ATP6V1B1: variants seen among roughly 807,000 people sequenced by gnomAD.
The protein encoded by ATP6V1B1 is ATPase H+ transporting V1 subunit B1.
A neutral mutation model predicts 62.1 loss-of-function variants in ATP6V1B1; 41 were observed. The ratio of observed to expected loss-of-function variants is 0.66; its 90% CI spans 0.51 to 0.86. ATP6V1B1 has a LOEUF of 0.86. ATP6V1B1 is among the 40% of genes least tolerant of loss of function. The pLI is 0.00. For missense variants in ATP6V1B1, 651 were observed against 697.5 expected (o/e 0.93, Z 0.75); for synonymous variants, 253 against 273.4 (o/e 0.93, Z 0.74).
chr2:70,965,191 C>T lies in ATP6V1B1; in HGVS notation c.*70C>T, dbSNP rs1572925060. On this transcript the variant is annotated 3_prime_UTR_variant, in exon 14 of 14. Transcript: ENST00000234396. ...CGGCTCCCGGGTCTCCCCTCCCTCG[C>T]CACCCCAACCAGCGGCTTCTGCGCC... The T allele has an allele frequency of 6.3e-7, 1 of 1,584,658 alleles. No homozygotes were observed. Among genetic ancestry groups the T allele is most frequent in the Non-Finnish European group, 8.5e-7 (1 of 1,171,344 alleles).
Position 70,936,064 on chromosome 2 carries a change from C to G in ATP6V1B1, c.110C>G (p.Pro37Arg). The change falls in exon 1 of 14, where the codon CCC (proline) becomes CGC (arginine). Residue 37 changes from proline to arginine, a missense_variant. Coordinates refer to ENST00000234396, the MANE Select transcript of ATP6V1B1 (RefSeq NM_001692.4). ...QAVTRNYITH[P>R]RVTYRTVCSV... ...GTCACCCGAAACTACATCACCCACCCCCGTGTCAGTGAGTAGCCCCTCCAC... is the reference window on the plus strand; with the variant it reads ...GTCACCCGAAACTACATCACCCACCGCCGTGTCAGTGAGTAGCCCCTCCAC... 1 of 1,614,034 alleles carries G rather than the reference C, an allele frequency of 6.2e-7. No individual in the cohort carries two copies. Among genetic ancestry groups the G allele is most frequent in the Non-Finnish European group, 8.5e-7 (1 of 1,179,928 alleles).
At chr2:70,955,676 T>C (rs1680417308) in intron 2 of ATP6V1B1, among the ~76,000 whole-genome samples, 1 of 152,250 alleles carries the variant, frequency 6.6e-6, no homozygotes, top group Non-Finnish European at 1.5e-5. Flanking sequence ...TTTTAATGAA[T>C]TGGCATATTT....
intron 2 of ATP6V1B1, chr2:70,944,021 C>G: frequency 2.0e-6 from 2 of 985,396 alleles, no homozygotes; most frequent in Non-Finnish European, 2.4e-6. Flanking sequence ...GTGGCATGGA[C>G]GTACCTAACC....
Position 70,963,599 on chromosome 2 carries a change from C to T in ATP6V1B1, c.1088C>T (p.Thr363Met), listed in dbSNP as rs145799342. 5.6e-6 allele frequency: 9 copies of T among 1,614,162 alleles called. No individual in the cohort carries two copies. The highest frequency in any genetic ancestry group is 2.7e-5 in the African/African-American group (2 of 75,052). The change falls in exon 11 of 14, where the codon ACG (threonine) becomes ATG (methionine). Residue 363 changes from threonine to methionine, a missense_variant. By Grantham distance (81) the Thr-to-Met change is moderately conservative (BLOSUM62 -1). Coordinates refer to ENST00000234396, the MANE Select transcript of ATP6V1B1 (RefSeq NM_001692.4). The surrounding 1 kb of genome is among the most constrained non-coding windows in gnomAD (Gnocchi z 4.3). ...ATCACCCACCCTATCCCAGACTTGA[C>T]GGGCTTCATCACAGAGGGACAGATC... is the stretch of plus-strand genomic sequence containing the variant. ...DDITHPIPDL[T>M]GFITEGQIYV...
At chr2:70,948,783 G>A (rs966258026) in intron 2 of ATP6V1B1, among the ~76,000 whole-genome samples, 1 of 152,148 alleles carries the variant, frequency 6.6e-6, no homozygotes, top group African/African-American at 2.4e-5. Flanking sequence ...CTCTTCACAG[G>A]ACAAGGGAGG....
chr2:70,949,002 G>A (rs1553417874), intron 2 of ATP6V1B1, among the ~76,000 whole-genome samples: 1 of 152,216 alleles, frequency 6.6e-6, no homozygotes, highest in African/African-American at 2.4e-5. Context: ...ATAATCACCA[G>A]CACTGTGCTG....
intron 2 of ATP6V1B1, chr2:70,944,060 G>C (rs904801512): frequency 3.8e-6 from 5 of 1,307,800 alleles, no homozygotes; most frequent in Non-Finnish European, 4.9e-6. Flanking sequence ...ACCACAGCAC[G>C]GCTGTACCTA....
At chr2:70,936,797 G>C (rs1172627168) in intron 1 of ATP6V1B1, among the ~76,000 whole-genome samples, 1 of 152,196 alleles carries the variant, frequency 6.6e-6, no homozygotes, top group Non-Finnish European at 1.5e-5. Context: ...AGTATGGTGA[G>C]TGTGTGTACA....
Position 70,965,103 on chromosome 2 carries a change from G to A in ATP6V1B1, c.1524G>A (p.Ala508=). The part of the protein sequence containing the change: ...YSREGALQDL[A]PDTAL Reference sequence around the variant, plus strand: ...GCGAGGGGGCGCTGCAGGACCTCGCGCCTGACACTGCGCTCTAGCCCCGCG... The same window carrying A: ...GCGAGGGGGCGCTGCAGGACCTCGCACCTGACACTGCGCTCTAGCCCCGCG... The change falls in exon 14 of 14, where the codon GCG becomes GCA. Residue 508 remains alanine (A), a synonymous_variant. Coordinates refer to ENST00000234396, the MANE Select transcript of ATP6V1B1 (RefSeq NM_001692.4). The A allele has an allele frequency of 1.2e-6, 2 of 1,611,136 alleles. No homozygotes were observed. The highest frequency in any genetic ancestry group is 8.5e-7 in the Non-Finnish European group (1 of 1,180,000).
chr2:70,940,907 C>CTTTTT (rs782110711), intron 1 of ATP6V1B1: 63 of 745,890 alleles, frequency 8.4e-5, no homozygotes, highest in East Asian at 4.7e-4. Context: ...TTTTCTTTTT[C>CTTTTT]TTTTTCTTTT....
Position 70,959,170 on chromosome 2 carries a change from G to C in ATP6V1B1, c.445+75G>C, listed in dbSNP as rs111764508. On this transcript the variant is annotated intron_variant, in intron 5 of 13. Coordinates refer to ENST00000234396, the MANE Select transcript of ATP6V1B1 (RefSeq NM_001692.4). The surrounding 1 kb of genome is among the most constrained non-coding windows in gnomAD (Gnocchi z 4.2). ...TCCCCACTCTTGGAAGTTCTGCCCA[G>C]ACTCACAAGCAGATCAGATGTGATG... is the stretch of plus-strand genomic sequence containing the variant. The C allele has an allele frequency of 1.6e-5, 24 of 1,507,036 alleles. No individual in the cohort carries two copies. Among genetic ancestry groups the C allele is most frequent in the African/African-American group, 1.5e-4 (11 of 72,720 alleles). 93.4% of individuals were successfully genotyped at this position (1,507,036 alleles called of 1,614,324 possible).
At chr2:70,945,701 G>GAGAGATAT (rs1553417203) in intron 2 of ATP6V1B1, among the ~76,000 whole-genome samples, 6 of 83,020 alleles carry the variant, frequency 7.2e-5, no homozygotes, top group African/African-American at 2.9e-4. Context: ...TATTTGAAGA[G>GAGAGATAT]ATATATATAT....
Position 70,958,315 on chromosome 2 carries a change from T to G in ATP6V1B1, c.274-18T>G, listed in dbSNP as rs1312344106. On this transcript the variant is annotated intron_variant, in intron 3 of 13. Transcript: ENST00000234396. ...CCAGCAGGCCCCTTAGTGGAGAAAC[T>G]CCCTCTTGTTCCCACAGGTGTTTGA... is the stretch of plus-strand genomic sequence containing the variant. The G allele has an allele frequency of 3.1e-6, 5 of 1,613,730 alleles. No individual in the cohort carries two copies. Among genetic ancestry groups the G allele is most frequent in the Non-Finnish European group, 4.2e-6 (5 of 1,179,702 alleles).
At chr2:70,952,591 G>A (rs148916938) in intron 2 of ATP6V1B1, among the ~76,000 whole-genome samples, 1 of 151,810 alleles carries the variant, frequency 6.6e-6, no homozygotes, top group Non-Finnish European at 1.5e-5. Flanking sequence ...TATGAATTTT[G>A]TTATCAAATA....
At chr2:70,964,114 A>ATTGTTTTTT in intron 11 of ATP6V1B1, 1 of 123,588 alleles carries the variant, frequency 8.1e-6, no homozygotes, top group Admixed American at 1.2e-4. Context: ...CTTGGCAGGT[A>ATTGTTTTTT]TTTTTTTTTT....
intron 2 of ATP6V1B1, among the ~76,000 whole-genome samples, chr2:70,946,653 C>T (rs1022757419): frequency 1.3e-5 from 2 of 152,174 alleles, no homozygotes; most frequent in Non-Finnish European, 2.9e-5. Flanking sequence ...ATTATTCTCC[C>T]TTGAGAATAG....
At chr2:70,937,747 G>C (rs528361322) in intron 1 of ATP6V1B1, among the ~76,000 whole-genome samples, 1 of 151,880 alleles carries the variant, frequency 6.6e-6, no homozygotes, top group African/African-American at 2.4e-5. Flanking sequence ...TTCCTGGAAA[G>C]TGCCCCCACC....
At chr2:70,938,782 G>GT in intron 1 of ATP6V1B1, 1 of 985,410 alleles carries the variant, frequency 1.0e-6, no homozygotes, top group Non-Finnish European at 1.2e-6. Context: ...GGCAGAAGAT[G>GT]TTGGGCTTGG....
At chr2:70,940,344 C>A in intron 1 of ATP6V1B1, 1 of 897,886 alleles carries the variant, frequency 1.1e-6, no homozygotes, top group Non-Finnish European at 1.3e-6. Flanking sequence ...TCCCACACCC[C>A]CACCTCCCTA....
Sources: allele counts gnomAD v4.1 joint callset (sites outside exome capture counted in the v4.1 genomes callset), GRCh38; gene constraint gnomAD v4.1.1; non-coding constraint Gnocchi (gnomAD v3.1); transcripts MANE v1.5; gene names NCBI Gene and HGNC (gene_info 2026-07-23, HGNC 2026-07-21).